RAPGEF2: variants seen among roughly 807,000 people sequenced by gnomAD.
RAPGEF2 encodes PDZ domain containing guanine nucleotide exchange factor (GEF) 1.
Under a neutral mutation model 186.7 loss-of-function variants are expected in RAPGEF2, and 54 were observed. The observed-to-expected ratio is 0.29, with a 90% CI of 0.23 to 0.36. The LOEUF (loss-of-function observed/expected upper bound fraction) is 0.36. RAPGEF2 is among the 10% of genes least tolerant of loss of function. The pLI, the probability that RAPGEF2 is intolerant of heterozygous loss-of-function variation, is 1.00. For synonymous variants in RAPGEF2, 712 were observed against 705.9 expected (o/e 1.01, Z -0.14); for missense variants, 1,532 against 2,045.0 (o/e 0.75, Z 4.84).
At chr4:159,159,580 G>A (rs1744482406) in intron 1 of RAPGEF2, among the ~76,000 whole-genome samples, 1 of 151,792 alleles carries the variant, frequency 6.6e-6, no homozygotes, top group Admixed American at 6.6e-5. Flanking sequence ...ATGTTTTCAA[G>A]AAAACTGAGT....
intron 8 of RAPGEF2, among the ~76,000 whole-genome samples, chr4:159,309,991 T>C (rs913990669): frequency 2.6e-5 from 4 of 151,966 alleles, no homozygotes; most frequent in African/African-American, 7.3e-5. Flanking sequence ...AATGTTTTAA[T>C]AAAGGATCAA....
At chr4:159,145,194 C>G (rs144477626) in intron 1 of RAPGEF2, among the ~76,000 whole-genome samples, 1 of 151,748 alleles carries the variant, frequency 6.6e-6, no homozygotes, top group African/African-American at 2.4e-5. Context: ...TTTTTTTTCC[C>G]GCTTTATTGT....
At chr4:159,162,758 C>T (rs1229930200) in intron 1 of RAPGEF2, among the ~76,000 whole-genome samples, 4 of 152,152 alleles carry the variant, frequency 2.6e-5, no homozygotes, top group Admixed American at 1.3e-4. Context: ...AGTTAAAAAC[C>T]ATGCAAGTTG....
At position 159,103,089 on chromosome 4, in the gene RAPGEF2, T is replaced by G. The variant is rs1293027347; in HGVS notation, c.-1074T>G. The G allele has an allele frequency of 2.6e-5, 4 of 152,282 alleles. No individual in the cohort carries two copies. The highest frequency in any genetic ancestry group is 5.8e-5 in the Non-Finnish European group (4 of 68,406). 9.4% of individuals were successfully genotyped at this position (152,282 alleles called of 1,614,324 possible). ...GGCCGCTTCCTCCCTGAGGAGCGGC[T>G]CCGGCGGCCGGAGAAGGCGCAGGAG... On this transcript the variant is annotated 5_prime_UTR_variant, in exon 1 of 30. Transcript: ENST00000691494.
chr4:159,151,865 G>A (rs1743577378), intron 1 of RAPGEF2, among the ~76,000 whole-genome samples: 2 of 152,130 alleles, frequency 1.3e-5, no homozygotes, highest in Non-Finnish European at 2.9e-5. Flanking sequence ...AATGAGAAAA[G>A]GGCATTGGTA....
chr4:159,330,131 ATCTT>A lies in RAPGEF2; in HGVS notation c.1302+123_1302+126del, dbSNP rs1028827507. On this transcript the variant is annotated intron_variant, in intron 12 of 29. Coordinates refer to ENST00000691494, the MANE Select transcript of RAPGEF2 (RefSeq NM_001394067.2). The stretch of plus-strand genomic sequence containing the variant: ...TCTTAAAGGTTATCAGTTGTGAAAA[ATCTT>A]TATGTATGATCTCCTAGTGAATAGC... 1.7e-5 allele frequency: 18 copies of A among 1,040,504 alleles called. No individual in the cohort carries two copies. The African/African-American group carries it at 2.4e-4, about 14-fold the overall frequency. 64.5% of individuals were successfully genotyped at this position (1,040,504 alleles called of 1,614,324 possible). A position where few individuals can be genotyped will look rare whatever the true frequency, so the allele number is the denominator to read the frequency against.
chr4:159,225,755 T>C (rs1354122038), intron 4 of RAPGEF2, among the ~76,000 whole-genome samples: 1 of 152,194 alleles, frequency 6.6e-6, no homozygotes, highest in African/African-American at 2.4e-5. Flanking sequence ...AATTTTTTCA[T>C]GTGTTTGTTG....
chr4:159,181,341 A>T (rs1170318050), intron 1 of RAPGEF2, among the ~76,000 whole-genome samples: 1 of 152,136 alleles, frequency 6.6e-6, no homozygotes, highest in Non-Finnish European at 1.5e-5. Flanking sequence ...CATAGCTTTT[A>T]AAAATTTTAT....
intron 5 of RAPGEF2, 44 bp downstream of exon 5, chr4:159,238,928 T>C: frequency 7.4e-7 from 1 of 1,347,484 alleles, no homozygotes; most frequent in Non-Finnish European, 9.7e-7. Flanking sequence ...TAAAAAATTG[T>C]ATGAAATAAA....
rs1282200295 is a variant in RAPGEF2, at chr4:159,154,850, C to T, written c.70-31792C>T. Among the ~76,000 whole-genome samples the T allele has an allele frequency of 3.3e-5, 5 of 151,936 alleles. No homozygotes were observed. The East Asian group carries it at 5.8e-4, about 18-fold the overall frequency. On this transcript the variant is annotated intron_variant, in intron 1 of 29. Transcript: ENST00000691494. ...TGAATTCTATATTAGGCCAAGTGGGCGAAGACAAATATTCTCTTTTGTTAG... is the reference window on the plus strand; with the variant it reads ...TGAATTCTATATTAGGCCAAGTGGGTGAAGACAAATATTCTCTTTTGTTAG...
chr4:159,305,538 CTGT>C (rs1266582546), intron 8 of RAPGEF2, among the ~76,000 whole-genome samples: 4 of 151,730 alleles, frequency 2.6e-5, no homozygotes, highest in Non-Finnish European at 4.4e-5. Flanking sequence ...AAATTTTTTG[CTGT>C]TGTTGTTATT....
intron 6 of RAPGEF2, among the ~76,000 whole-genome samples, chr4:159,242,355 TTTTC>T (rs1561133391): frequency 2.6e-5 from 4 of 151,918 alleles, no homozygotes; most frequent in Admixed American, 2.6e-4. Context: ...TTTACCTTTT[TTTTC>T]TTTCTTCCTG....
At chr4:159,240,447 C>T (rs1753840978) in intron 5 of RAPGEF2, among the ~76,000 whole-genome samples, 1 of 146,468 alleles carries the variant, frequency 6.8e-6, no homozygotes, top group Non-Finnish European at 1.5e-5. Context: ...AATTCTCCTG[C>T]CTCAGCCTCC....
At chr4:159,318,140 A>G (rs986544256) in intron 9 of RAPGEF2, among the ~76,000 whole-genome samples, 9 of 152,296 alleles carry the variant, frequency 5.9e-5, no homozygotes, top group East Asian at 3.9e-4. Flanking sequence ...AGCAATGACA[A>G]TTATCATGTT....
intron 1 of RAPGEF2, among the ~76,000 whole-genome samples, chr4:159,147,206 G>C (rs1743041635): frequency 6.6e-6 from 1 of 152,064 alleles, no homozygotes; most frequent in Non-Finnish European, 1.5e-5. Context: ...CAGCATAAAT[G>C]GTACTATCTT....
At chr4:159,295,470 A>G (rs1326965190) in intron 7 of RAPGEF2, among the ~76,000 whole-genome samples, 1 of 151,868 alleles carries the variant, frequency 6.6e-6, no homozygotes, top group African/African-American at 2.4e-5. Flanking sequence ...ATCCATCATA[A>G]AACTGTTTAT....
At chr4:159,123,472 G>A (rs111836638) in intron 1 of RAPGEF2, among the ~76,000 whole-genome samples, 6,680 of 151,764 alleles carry the variant, frequency 0.044, 175 homozygotes, top group African/African-American at 0.062. Context: ...AAAGTTATTC[G>A]TGCCAGGTTA....
At chr4:159,335,661 C>A (rs1039299655) in intron 17 of RAPGEF2, among the ~76,000 whole-genome samples, 2 of 151,914 alleles carry the variant, frequency 1.3e-5, no homozygotes, top group Non-Finnish European at 2.9e-5. Context: ...CGGTGAAACC[C>A]CGTCTCTACT....
At position 159,341,781 on chromosome 4, in the gene RAPGEF2, C is replaced by A; in HGVS notation, c.2752C>A (p.Leu918Met). The change falls in exon 20 of 30, where the codon CTG becomes ATG. Residue 918 changes from leucine (L) to methionine (M), a missense_variant. This residue lies in a region of RAPGEF2 where 810 missense variants were observed against 1,210.5 expected (regional missense o/e 0.67). Transcript: ENST00000691494. ...KLRSKTSCAN[L>M]KRFEEVINQE... is the part of the protein sequence containing the mutation. ...CAGATCAAAAACCAGCTGTGCCAAC[C>A]TGAAGAGATTTGAAGAAGTCATTAA... The A allele has an allele frequency of 6.2e-7, 1 of 1,614,004 alleles. No homozygotes were observed. The highest frequency in any genetic ancestry group is 8.5e-7 in the Non-Finnish European group (1 of 1,179,930).
Sources: gnomAD v4.1 joint callset for allele counts (sites outside exome capture counted in the v4.1 genomes callset) on GRCh38, gnomAD v4.1.1 for gene constraint, gnomAD v4.1.1 regional missense constraint, MANE v1.5 for transcripts, NCBI Gene and HGNC (gene_info 2026-07-23, HGNC 2026-07-21) for gene names.